The following ASIC2 variants were observed in gnomAD, a reference collection of about 807,000 sequenced individuals.
The protein encoded by ASIC2 is acid-sensing ion channel 2.
ASIC2 carries 25 observed loss-of-function variants against 57.3 expected under a neutral mutation model. The ratio of observed to expected loss-of-function variants is 0.44; its 90% confidence interval spans 0.32 to 0.61. The LOEUF (loss-of-function observed/expected upper bound fraction) is 0.61, where lower values mean the gene tolerates loss of function less well. Ranked by LOEUF, ASIC2 falls within the 20% of genes least tolerant of loss-of-function variation. The probability of loss-of-function intolerance (pLI) is 0.06; values close to 1 mark genes in which losing one functional copy is unlikely to be tolerated. For synonymous variants in ASIC2, 319 were observed against 307.5 expected (o/e 1.04, Z -0.39); for missense variants, 641 against 738.1 (o/e 0.87, Z 1.52).
chr17:33,856,794 T>C (rs1313400215), intron 1 of ASIC2, among the ~76,000 whole-genome samples: 1 of 151,856 alleles, frequency 6.6e-6, no homozygotes, highest in Non-Finnish European at 1.5e-5. Flanking sequence ...CCGCGACAGG[T>C]AGTTCAGGGA....
At chr17:34,083,674 C>G (rs1033385443) in intron 1 of ASIC2, among the ~76,000 whole-genome samples, 1 of 152,218 alleles carries the variant, frequency 6.6e-6, no homozygotes, top group African/African-American at 2.4e-5. Context: ...CACATCCTCT[C>G]CAGCACCTGT....
chr17:33,810,789 T>G (rs1912395848), intron 1 of ASIC2, among the ~76,000 whole-genome samples: 1 of 152,120 alleles, frequency 6.6e-6, no homozygotes, highest in Non-Finnish European at 1.5e-5. Flanking sequence ...ATTATCAGGG[T>G]ATGCACTAAA....
rs182368508 is a variant in ASIC2 at position 33,602,387 on chromosome 17, T to C, written c.556-490320A>G. 6.6e-5 allele frequency among the ~76,000 whole-genome samples: 10 copies of C among 152,056 alleles called. No homozygotes were observed. In the East Asian group the frequency reaches 1.7e-3, roughly 27 times the overall value. On this transcript the variant is annotated intron_variant, in intron 1 of 9. Coordinates refer to the ASIC2 transcript ENST00000359872. ...TAAATTAATGTCATTATCCCAGGAG[T>C]AGGCTCCTGATACAAGAATGAGTTT... is the stretch of plus-strand genomic sequence containing the variant.
chr17:33,592,113 C>T lies in ASIC2; in HGVS notation c.556-480046G>A, dbSNP rs143934462. 8.3e-3 allele frequency among the ~76,000 whole-genome samples: 1,269 copies of T among 152,294 alleles called. 15 individuals carry two copies. Among genetic ancestry groups the T allele is most frequent in the African/African-American group, 0.028 (1,163 of 41,546 alleles). On this transcript the variant is annotated intron_variant, in intron 1 of 9. Transcript: ENST00000359872. ...TGGACTCGTGCCAGGTACTGTGGTGCGCACTGAGGACACACCAGCACACAA... is the reference window on the plus strand; with the variant it reads ...TGGACTCGTGCCAGGTACTGTGGTGTGCACTGAGGACACACCAGCACACAA...
At chr17:34,111,412 G>A (rs1287614657) in intron 1 of ASIC2, among the ~76,000 whole-genome samples, 1 of 151,584 alleles carries the variant, frequency 6.6e-6, no homozygotes, top group Non-Finnish European at 1.5e-5. Context: ...GCTTGTGACA[G>A]CATAAATTGT....
intron 1 of ASIC2, chr17:33,936,383 TCCACAGC>T (rs1214764074): frequency 2.6e-5 from 4 of 152,108 alleles, no homozygotes; most frequent in African/African-American, 9.7e-5. Context: ...GAACGGGGCC[TCCACAGC>T]CCAGGCGAGG....
chr17:33,292,502 G>T lies in ASIC2; in HGVS notation c.-387C>A. The T allele has an allele frequency of 1.0e-6, 1 of 985,882 alleles. No individual in the cohort carries two copies. The highest frequency in any genetic ancestry group is 1.2e-6 in the Non-Finnish European group (1 of 830,376). 61.1% of individuals were successfully genotyped at this position (985,882 alleles called of 1,614,324 possible). On this transcript the variant is annotated 5_prime_UTR_variant, in exon 1 of 10. Transcript: ENST00000225823. ...CGCCTTCCCTCGTCCTGGACCTCGG[G>T]GGACCCTGAGCCGAGTCCCCCCTGC...
chr17:33,610,702 CAATA>C (rs893481527), intron 1 of ASIC2, among the ~76,000 whole-genome samples: 13 of 148,736 alleles, frequency 8.7e-5, no homozygotes, highest in Non-Finnish European at 1.5e-5. Context: ...CCAGATTCTG[CAATA>C]AATAAATAAA....
intron 1 of ASIC2, among the ~76,000 whole-genome samples, chr17:33,121,295 A>C (rs774952732): frequency 5.3e-5 from 8 of 152,204 alleles, no homozygotes; most frequent in Non-Finnish European, 8.8e-5. Flanking sequence ...GAACCACATC[A>C]GGCCTTGGGG....
At chr17:33,902,761 G>A (rs191390581) in intron 1 of ASIC2, among the ~76,000 whole-genome samples, 8 of 152,254 alleles carry the variant, frequency 5.3e-5, no homozygotes, top group Admixed American at 5.2e-4. Context: ...ATTTTTTAGG[G>A]TGGAACCCCT....
chr17:34,105,198 T>C (rs1911000881), intron 1 of ASIC2, among the ~76,000 whole-genome samples: 1 of 152,052 alleles, frequency 6.6e-6, no homozygotes, highest in Non-Finnish European at 1.5e-5. Context: ...ACTCAAGGCG[T>C]TTGCTCATTT....
intron 1 of ASIC2, among the ~76,000 whole-genome samples, chr17:33,740,595 G>T (rs574855009): frequency 6.6e-6 from 1 of 152,192 alleles, no homozygotes; most frequent in East Asian, 1.9e-4. Flanking sequence ...GATGAGATTT[G>T]GGTGCGGACA....
intron 1 of ASIC2, among the ~76,000 whole-genome samples, chr17:33,573,329 G>C (rs1406577208): frequency 2.0e-5 from 3 of 152,208 alleles, no homozygotes; most frequent in Admixed American, 6.5e-5. Context: ...AAATAATACA[G>C]AGAAAAATTA....
intron 3 of ASIC2, among the ~76,000 whole-genome samples, chr17:33,084,803 C>T: frequency 6.6e-6 from 1 of 152,168 alleles, no homozygotes; most frequent in South Asian, 2.1e-4. Flanking sequence ...GAGGATTTTA[C>T]AGCAACTGAG....
intron 1 of ASIC2, among the ~76,000 whole-genome samples, chr17:33,764,828 T>G (rs1910888195): frequency 6.6e-6 from 1 of 150,816 alleles, no homozygotes; most frequent in Non-Finnish European, 1.5e-5. Flanking sequence ...AATGGGTATG[T>G]AAGATGGAAA....
intron 1 of ASIC2, among the ~76,000 whole-genome samples, chr17:33,494,919 T>G (rs541994068): frequency 6.6e-6 from 1 of 152,350 alleles, no homozygotes; most frequent in East Asian, 1.9e-4. Flanking sequence ...TGGTGGCCTC[T>G]GACCTGCTGT....
At chr17:34,067,541 T>C (rs2142065133) in intron 1 of ASIC2, among the ~76,000 whole-genome samples, 1 of 152,348 alleles carries the variant, frequency 6.6e-6, no homozygotes, top group South Asian at 2.1e-4. Flanking sequence ...ATGACAATTA[T>C]AAGTATGAAT....
At chr17:33,661,865 A>G (rs1028649346) in intron 1 of ASIC2, among the ~76,000 whole-genome samples, 1 of 152,094 alleles carries the variant, frequency 6.6e-6, no homozygotes, top group Non-Finnish European at 1.5e-5. Flanking sequence ...CAGAAATAAA[A>G]CCACCATAGA....
intron 1 of ASIC2, among the ~76,000 whole-genome samples, chr17:33,783,881 C>T (rs1045201578): frequency 3.9e-5 from 6 of 152,186 alleles, no homozygotes; most frequent in African/African-American, 1.4e-4. Context: ...TAGGATGCTC[C>T]ATTTATCATG....
Sources: allele counts gnomAD v4.1 joint callset (sites outside exome capture counted in the v4.1 genomes callset), GRCh38; gene constraint gnomAD v4.1.1; transcripts MANE v1.5; gene names NCBI Gene and HGNC (gene_info 2026-07-23, HGNC 2026-07-21).